PTPRG: variants seen among roughly 807,000 people sequenced by gnomAD.
The protein encoded by PTPRG is protein tyrosine phosphatase receptor type G.
Under a neutral mutation model 165.3 loss-of-function variants are expected in PTPRG, and 102 were observed. The ratio of observed to expected loss-of-function variants is 0.62; its 90% confidence interval spans 0.53 to 0.73. The LOEUF (loss-of-function observed/expected upper bound fraction) is 0.73, where lower values mean the gene tolerates loss of function less well. PTPRG is among the 30% of genes least tolerant of loss of function. The pLI, the probability that PTPRG is intolerant of heterozygous loss-of-function variation, is 0.00. For missense variants in PTPRG, 1,866 were observed against 1,861.4 expected, an observed-to-expected ratio of 1.00 and a Z score of -0.05; for synonymous variants, 675 against 669.5, an observed-to-expected ratio of 1.01 and a Z score of -0.13.
At chr3:61,653,892 G>A (rs1702432469) in intron 1 of PTPRG, among the ~76,000 whole-genome samples, 1 of 26,414 alleles carries the variant, frequency 3.8e-5, no homozygotes, top group African/African-American at 1.3e-4. Flanking sequence ...TGTTAAGCGG[G>A]GAGCGGTGGG....
Position 62,003,510 on chromosome 3 carries a change from C to A in PTPRG, c.519+13C>A. On this transcript the variant is annotated intron_variant, in intron 4 of 29. Coordinates refer to ENST00000474889, the MANE Select transcript of PTPRG (RefSeq NM_002841.4). ...GTTTCCTGTTGAGGTGAGAGAAAGT[C>A]AAGATCTCAACGTGTAGCTGTGCTT... 6.2e-7 allele frequency: 1 copy of A among 1,613,152 alleles called. No homozygotes were observed. The highest frequency in any genetic ancestry group is 1.1e-5 in the South Asian group (1 of 90,878).
intron 2 of PTPRG, among the ~76,000 whole-genome samples, chr3:61,942,254 C>G (rs62243241): frequency 6.6e-6 from 1 of 152,132 alleles, no homozygotes; most frequent in African/African-American, 2.4e-5. Context: ...GGTGCTCTCC[C>G]AGGAGCCATG....
chr3:61,828,747 G>A (rs2036184152), intron 2 of PTPRG, among the ~76,000 whole-genome samples: 1 of 152,192 alleles, frequency 6.6e-6, no homozygotes, highest in Admixed American at 6.5e-5. Flanking sequence ...CCAGGGGACA[G>A]GGTGACAAGC....
chr3:61,889,336 T>C (rs1423706029), intron 2 of PTPRG, among the ~76,000 whole-genome samples: 1 of 152,212 alleles, frequency 6.6e-6, no homozygotes, highest in Non-Finnish European at 1.5e-5. Context: ...CCTTATTCGG[T>C]GGGTTATAAT....
rs960773375 is a variant in PTPRG at position 62,082,639 on chromosome 3, A to G, written c.615+4381A>G. 2.0e-5 allele frequency among the ~76,000 whole-genome samples: 3 copies of G among 152,340 alleles called. No individual in the cohort carries two copies. In the South Asian group the frequency reaches 6.2e-4, roughly 32 times the overall value. On this transcript the variant is annotated intron_variant, in intron 5 of 29. Coordinates refer to ENST00000474889, the MANE Select transcript of PTPRG (RefSeq NM_002841.4). ...ACATCAACGTGATCTTAAGATCATG[A>G]TGACTGGCCCGGACCCCAGTAACTC...
chr3:62,024,118 C>T (rs1016191636), intron 4 of PTPRG, among the ~76,000 whole-genome samples: 6 of 152,026 alleles, frequency 3.9e-5, no homozygotes, highest in Admixed American at 6.5e-5. Flanking sequence ...TTTTGACTGA[C>T]AACTATGTTT....
At chr3:61,750,605 T>C (rs929273320) in intron 2 of PTPRG, 3 of 152,224 alleles carry the variant, frequency 2.0e-5, no homozygotes, top group African/African-American at 7.2e-5. Context: ...GGCACACTTT[T>C]TCTGAAAAGA....
At chr3:61,763,326 C>G (rs1197084314) in intron 2 of PTPRG, among the ~76,000 whole-genome samples, 1 of 152,044 alleles carries the variant, frequency 6.6e-6, no homozygotes, top group Non-Finnish European at 1.5e-5. Context: ...CAACCTCCAC[C>G]TCCTGGGTTC....
intron 2 of PTPRG, among the ~76,000 whole-genome samples, chr3:61,868,077 C>T (rs1490457359): frequency 3.3e-5 from 5 of 152,176 alleles, no homozygotes; most frequent in African/African-American, 1.2e-4. Context: ...ACATAAGCCC[C>T]TCCCCACATT....
intron 2 of PTPRG, among the ~76,000 whole-genome samples, chr3:61,988,067 A>G (rs1399694528): frequency 1.3e-5 from 2 of 152,220 alleles, no homozygotes. Context: ...TCCGGATAGT[A>G]GCGCGACACT....
intron 2 of PTPRG, among the ~76,000 whole-genome samples, chr3:61,797,651 T>G (rs959404000): frequency 7.3e-6 from 1 of 136,482 alleles, no homozygotes; most frequent in Non-Finnish European, 1.5e-5. Flanking sequence ...GGTATGAAAC[T>G]AGGTTTTCCA....
Position 61,931,017 on chromosome 3 carries a change from C to T in PTPRG, c.191-58608C>T, listed in dbSNP as rs143908636. 6.0e-4 allele frequency among the ~76,000 whole-genome samples: 92 copies of T among 152,274 alleles called. No individual in the cohort carries two copies. The East Asian group carries it at 0.013, about 21-fold the overall frequency. ...CAGAGGTTGCAGTGAGCTGAGATCACGCCACTGCAGTCCAGCCTGGGTGAC... is the reference window on the plus strand; with the variant it reads ...CAGAGGTTGCAGTGAGCTGAGATCATGCCACTGCAGTCCAGCCTGGGTGAC... On this transcript the variant is annotated intron_variant, in intron 2 of 29. Transcript: ENST00000474889.
At chr3:61,649,221 T>C (rs1702284734) in intron 1 of PTPRG, among the ~76,000 whole-genome samples, 1 of 151,468 alleles carries the variant, frequency 6.6e-6, no homozygotes, top group African/African-American at 2.4e-5. Context: ...GGTCTTACAG[T>C]ATTGCCTAGG....
intron 14 of PTPRG, among the ~76,000 whole-genome samples, chr3:62,238,448 A>G: frequency 6.6e-6 from 1 of 152,304 alleles, no homozygotes; most frequent in South Asian, 2.1e-4. Context: ...TATTAATAAT[A>G]TTGAAATAAA....
In PTPRG at chr3:61,576,177, G is replaced by A. The variant is rs1400287691; in HGVS notation, c.85+13805G>A. On this transcript the variant is annotated intron_variant, in intron 1 of 29. Transcript: ENST00000474889. ...GAATTAAGGCTCACAGGGCTACCAGGAAGAGGTTTTTTGTTTGTTTGTTTG... is the reference window on the plus strand; with the variant it reads ...GAATTAAGGCTCACAGGGCTACCAGAAAGAGGTTTTTTGTTTGTTTGTTTG... Among the ~76,000 whole-genome samples, 4 of 152,272 alleles carry A rather than the reference G, an allele frequency of 2.6e-5. No individual in the cohort carries two copies. In the East Asian group the frequency reaches 7.7e-4, roughly 29 times the overall value.
intron 2 of PTPRG, among the ~76,000 whole-genome samples, chr3:61,784,703 T>G (rs931468245): frequency 6.6e-6 from 1 of 152,212 alleles, no homozygotes; most frequent in Non-Finnish European, 1.5e-5. Context: ...TTTCCATTTT[T>G]ACATGTAGAA....
chr3:62,123,499 T>C (rs956447144), intron 5 of PTPRG, among the ~76,000 whole-genome samples: 52 of 152,180 alleles, frequency 3.4e-4, no homozygotes, highest in Admixed American at 9.8e-4. Flanking sequence ...TTGGGTTCAG[T>C]TATAACATAG....
At chr3:62,027,735 A>G (rs1438750194) in intron 4 of PTPRG, among the ~76,000 whole-genome samples, 1 of 152,214 alleles carries the variant, frequency 6.6e-6, no homozygotes, top group African/African-American at 2.4e-5. Context: ...GATTTTTTAA[A>G]TCCATCAAAA....
intron 2 of PTPRG, among the ~76,000 whole-genome samples, chr3:61,902,895 A>G (rs1172624148): frequency 6.6e-6 from 1 of 152,182 alleles, no homozygotes; most frequent in Admixed American, 6.5e-5. Context: ...ATGTGGACTT[A>G]GGGACCTGCC....
Sources: gnomAD v4.1 joint callset for allele counts (sites outside exome capture counted in the v4.1 genomes callset) on GRCh38, gnomAD v4.1.1 for gene constraint, MANE v1.5 for transcripts, NCBI Gene and HGNC (gene_info 2026-07-23, HGNC 2026-07-21) for gene names.